ZNF143: variants seen among roughly 807,000 people sequenced by gnomAD.
The protein encoded by ZNF143 is zinc finger protein 143.
Under a neutral mutation model 74.1 loss-of-function variants are expected in ZNF143, and 49 were observed. The ratio of observed to expected loss-of-function variants is 0.66; its 90% confidence interval spans 0.53 to 0.84. The LOEUF (loss-of-function observed/expected upper bound fraction) is 0.84. ZNF143 is among the 40% of genes least tolerant of loss of function. The pLI, the probability that ZNF143 is intolerant of heterozygous loss-of-function variation, is 0.00. For missense variants in ZNF143, 637 were observed against 793.4 expected (o/e 0.80, Z 2.37); for synonymous variants, 304 against 282.8 (o/e 1.07, Z -0.75).
intron 13 of ZNF143, among the ~76,000 whole-genome samples, chr11:9,513,660 C>T (rs1848628898): frequency 6.6e-6 from 1 of 152,214 alleles, no homozygotes; most frequent in African/African-American, 2.4e-5. Context: ...CTTTGAGAGG[C>T]CAGAGCGGGT....
At chr11:9,511,511 C>T (rs1342422787) in intron 12 of ZNF143, among the ~76,000 whole-genome samples, 1 of 150,306 alleles carries the variant, frequency 6.7e-6, no homozygotes, top group African/African-American at 2.5e-5. Flanking sequence ...ACCGTGTTAG[C>T]CAGGATGGTC....
At chr11:9,524,275 A>G (rs1849049303) in intron 14 of ZNF143, among the ~76,000 whole-genome samples, 1 of 152,118 alleles carries the variant, frequency 6.6e-6, no homozygotes. Flanking sequence ...CCTTCTTTTG[A>G]GAATCCCCTC....
At chr11:9,503,467 T>C (rs1778213270) in intron 11 of ZNF143, among the ~76,000 whole-genome samples, 1 of 152,176 alleles carries the variant, frequency 6.6e-6, no homozygotes, top group Non-Finnish European at 1.5e-5. Flanking sequence ...TTTTACAGTC[T>C]CATCAGCAAT....
chr11:9,477,886 C>T (rs1193601984), intron 5 of ZNF143, among the ~76,000 whole-genome samples: 2 of 152,072 alleles, frequency 1.3e-5, no homozygotes, highest in African/African-American at 2.4e-5. Flanking sequence ...AGTGCAGTGG[C>T]ACGATCTTGG....
Position 9,504,717 on chromosome 11 carries a change from C to T in ZNF143, c.1147+3447C>T, listed in dbSNP as rs1489891597. Among the ~76,000 whole-genome samples the T allele has an allele frequency of 2.0e-3, 229 of 114,810 alleles. 36 individuals are homozygous for T. The highest frequency in any genetic ancestry group is 1.5e-3 in the Non-Finnish European group (73 of 48,636). 75.3% of individuals were successfully genotyped at this position (114,810 alleles called of 152,430 possible). A position where few individuals can be genotyped will look rare whatever the true frequency, so the allele number is the denominator to read the frequency against. Reference sequence around the variant, plus strand: ...TGAGACAGCGTCTCGCTCTGTTGCCCAGGCTGGAGTGCAATGGCGTGATCT... The same window carrying T: ...TGAGACAGCGTCTCGCTCTGTTGCCTAGGCTGGAGTGCAATGGCGTGATCT... On this transcript the variant is annotated intron_variant, in intron 11 of 15. Coordinates refer to ENST00000396602, the MANE Select transcript of ZNF143 (RefSeq NM_003442.6).
At chr11:9,518,721 G>GAA (rs796709183) in intron 14 of ZNF143, among the ~76,000 whole-genome samples, 23 of 125,026 alleles carry the variant, frequency 1.8e-4, no homozygotes, top group Non-Finnish European at 3.0e-4. Flanking sequence ...CCGTCTTAAA[G>GAA]AAAAAAAAAA....
intron 7 of ZNF143, among the ~76,000 whole-genome samples, chr11:9,486,377 T>TTATATATATAA (rs1847494544): frequency 5.4e-5 from 2 of 37,150 alleles, no homozygotes; most frequent in African/African-American, 2.3e-4. Context: ...ATATAATATA[T>TTATATATATAA]TATATATATA....
intron 7 of ZNF143, among the ~76,000 whole-genome samples, chr11:9,483,113 C>G (rs751847822): frequency 1.3e-5 from 2 of 150,702 alleles, no homozygotes; most frequent in Non-Finnish European, 2.9e-5. Context: ...CTTGCCTCAG[C>G]CTCCCGAATA....
In ZNF143 at chr11:9,471,401, A is replaced by G; in HGVS notation, c.93A>G (p.Thr31=). 1 of 1,605,480 alleles carries G rather than the reference A, an allele frequency of 6.2e-7. No individual in the cohort carries two copies. Among genetic ancestry groups the G allele is most frequent in the Non-Finnish European group, 8.5e-7 (1 of 1,176,228 alleles). ...CGCAACATGTTACGCTGTGCTTGAC[A>G]GAGGCAGTCACCGTGGCAGGTGAGC... is the stretch of plus-strand genomic sequence containing the variant. The part of the protein sequence containing the change: ...MEAQHVTLCL[T]EAVTVADGDN... Residue 31 remains threonine (T), a synonymous_variant, in exon 2 of 16, where the codon ACA becomes ACG. Coordinates refer to ENST00000396602, the MANE Select transcript of ZNF143 (RefSeq NM_003442.6).
chr11:9,516,523 A>G (rs1848729068), intron 14 of ZNF143, among the ~76,000 whole-genome samples, 161 bp downstream of exon 14: 1 of 152,180 alleles, frequency 6.6e-6, no homozygotes, highest in African/African-American at 2.4e-5. Context: ...TTTTCCTCAT[A>G]TGTAAAGTAG....
In ZNF143 at chr11:9,501,128, T is replaced by C. The variant is rs1848143349; in HGVS notation, c.1005T>C (p.Gly335=). The C allele has an allele frequency of 6.2e-7, 1 of 1,614,096 alleles. No individual in the cohort carries two copies. Among genetic ancestry groups the C allele is most frequent in the African/African-American group, 1.3e-5 (1 of 74,932 alleles). ...TTAAGTGTCCCTTCGAAGGCTGCGGTCGGTCCTTTACAACATCAAATATCA... is the reference window on the plus strand; with the variant it reads ...TTAAGTGTCCCTTCGAAGGCTGCGGCCGGTCCTTTACAACATCAAATATCA... ...RPFKCPFEGC[G]RSFTTSNIRK... is the part of the protein sequence containing the mutation. Residue 335 remains glycine, a synonymous_variant, in exon 11 of 16, where the codon GGT becomes GGC. Coordinates refer to ENST00000396602, the MANE Select transcript of ZNF143 (RefSeq NM_003442.6).
intron 7 of ZNF143, among the ~76,000 whole-genome samples, chr11:9,492,012 T>G (rs1847799928): frequency 6.6e-6 from 1 of 152,286 alleles, no homozygotes; most frequent in South Asian, 2.1e-4. Flanking sequence ...TGGCACAATC[T>G]TGGCTCACTG....
intron 11 of ZNF143, 65 bp downstream of exon 11, chr11:9,501,335 G>A: frequency 5.1e-6 from 8 of 1,558,928 alleles, no homozygotes; most frequent in Non-Finnish European, 6.1e-6. Flanking sequence ...GCCTTTTCCA[G>A]AAACCATTTC....
chr11:9,525,332 A>T lies in ZNF143; in HGVS notation c.1779A>T (p.Glu593Asp), dbSNP rs773026308. ...ATAGCCATCACTTAGTAACCACAGA[A>T]ACCAGACCTCTGACCTTAGTAGCAA... ...QQHSHHLVTTETRPLTLVATS... is the reference protein window; with the variant it reads ...QQHSHHLVTTDTRPLTLVATS... Residue 593 changes from glutamate (E) to aspartate (D), a missense_variant, in exon 15 of 16, where the codon GAA (glutamate) becomes GAT (aspartate). Glu to Asp is a conservative substitution (Grantham distance 45, BLOSUM62 2). Coordinates refer to ENST00000396602, the MANE Select transcript of ZNF143 (RefSeq NM_003442.6). 6.2e-6 allele frequency: 10 copies of T among 1,614,066 alleles called. No homozygotes were observed. Among genetic ancestry groups the T allele is most frequent in the Non-Finnish European group, 8.5e-6 (10 of 1,180,036 alleles).
At position 9,528,371 on chromosome 11, in the gene ZNF143, G is replaced by A. The variant is rs1005657099; in HGVS notation, c.*758G>A. The A allele has an allele frequency of 2.0e-5, 3 of 152,104 alleles. No individual in the cohort carries two copies. The highest frequency in any genetic ancestry group is 4.4e-5 in the Non-Finnish European group (3 of 68,026). The allele number at this position is 152,104 out of a possible 1,614,324, so 9.4% of individuals were successfully genotyped here. A position where few individuals can be genotyped will look rare whatever the true frequency, so the allele number is the denominator to read the frequency against. ...AGTTTAACCACAGGCTGGTGCCCGGGATAACAGTACTGTAATTGGAAATGG... is the reference window on the plus strand; with the variant it reads ...AGTTTAACCACAGGCTGGTGCCCGGAATAACAGTACTGTAATTGGAAATGG... On this transcript the variant is annotated 3_prime_UTR_variant, in exon 16 of 16. Coordinates refer to ENST00000396602, the MANE Select transcript of ZNF143 (RefSeq NM_003442.6).
At chr11:9,496,202 C>CATTTTGCAGTGTGGGA in intron 8 of ZNF143, 101 bp from the exon 9 acceptor site, 1 of 1,004,370 alleles carries the variant, frequency 1.0e-6, no homozygotes. Flanking sequence ...AAGCATACAA[C>CATTTTGCAGTGTGGGA]AAAATCATTT....
At chr11:9,512,374 T>C in intron 12 of ZNF143, 74 bp from the exon 13 acceptor site, 1 of 1,527,406 alleles carries the variant, frequency 6.5e-7, no homozygotes, top group Non-Finnish European at 8.9e-7. Context: ...ATTTTCTCTT[T>C]AATATTTAAA....
At chr11:9,461,499 G>C (rs899890790) in intron 1 of ZNF143, 12 of 152,170 alleles carry the variant, frequency 7.9e-5, no homozygotes, top group Admixed American at 7.2e-4. Flanking sequence ...TGGGACGCCG[G>C]GCCCACGGGC....
intron 1 of ZNF143, among the ~76,000 whole-genome samples, chr11:9,467,184 G>A (rs1207432189): frequency 1.3e-5 from 2 of 151,284 alleles, no homozygotes; most frequent in Admixed American, 6.6e-5. Context: ...GAGCCACTGC[G>A]CCCTGGCCAA....
Sources: allele counts gnomAD v4.1 joint callset (sites outside exome capture counted in the v4.1 genomes callset), GRCh38; gene constraint gnomAD v4.1.1; transcripts MANE v1.5; gene names NCBI Gene and HGNC (gene_info 2026-07-23, HGNC 2026-07-21).